SMG6: variants seen among roughly 807,000 people sequenced by gnomAD.
SMG6 encodes SMG6 nonsense mediated mRNA decay factor.
SMG6 carries 66 observed loss-of-function variants against 142.2 expected under a neutral mutation model. That is an observed-to-expected ratio of 0.46 (90% CI 0.38 to 0.57). SMG6 has a LOEUF of 0.57. SMG6 is among the 20% of genes least tolerant of loss of function. SMG6 has a pLI of 0.00. For missense variants in SMG6, 1,793 were observed against 1,832.0 expected, an observed-to-expected ratio of 0.98 and a Z score of 0.39; for synonymous variants, 779 against 702.4, an observed-to-expected ratio of 1.11 and a Z score of -1.72.
At position 2,299,777 on chromosome 17, in the gene SMG6, G is replaced by T. The variant is rs149069908; in HGVS notation, c.976C>A (p.His326Asn). 1.3e-4 allele frequency: 206 copies of T among 1,614,164 alleles called. No homozygotes were observed. The East Asian group carries it at 3.6e-3, about 28-fold the overall frequency. ...GPRRSSERKR[H>N]LERNWSGRGE... ...CGGCCAGACCAGTTTCTTTCTAAAT[G>T]TCTCTTCCTTTCTGAACTTCTCCTG... Residue 326 changes from histidine (H) to asparagine (N), a missense_variant, in exon 2 of 19, where the codon CAT (histidine) becomes AAT (asparagine). By Grantham distance (68) the His-to-Asn change is moderately conservative. Coordinates refer to ENST00000263073, the MANE Select transcript of SMG6 (RefSeq NM_017575.5). This position sits in a 1 kb window ranked among gnomAD's most constrained non-coding sequence, Gnocchi z 4.3.
intron 13 of SMG6, among the ~76,000 whole-genome samples, chr17:2,140,668 T>C (rs1330573611): frequency 8.4e-6 from 1 of 119,308 alleles, no homozygotes; most frequent in African/African-American, 3.8e-5. Context: ...TGAGATTCCA[T>C]CTCAAAAAAA....
chr17:2,109,550 C>G (rs549202436), intron 13 of SMG6, among the ~76,000 whole-genome samples: 21 of 152,296 alleles, frequency 1.4e-4, no homozygotes, highest in Admixed American at 9.8e-4. Flanking sequence ...AGGTGTGAGC[C>G]ACCGTGCATG....
intron 12 of SMG6, among the ~76,000 whole-genome samples, chr17:2,173,682 T>A (rs1250939550): frequency 2.0e-5 from 3 of 152,164 alleles, no homozygotes; most frequent in African/African-American, 4.8e-5. Context: ...AGGTCCTGGC[T>A]GAACCTGAGA....
chr17:2,091,492 A>G (rs2068713389), intron 13 of SMG6, among the ~76,000 whole-genome samples: 1 of 152,160 alleles, frequency 6.6e-6, no homozygotes, highest in African/African-American at 2.4e-5. Context: ...GGGCTGAATG[A>G]TAAGGGGGAC....
intron 10 of SMG6, among the ~76,000 whole-genome samples, chr17:2,221,072 G>C (rs1260290425): frequency 6.6e-6 from 1 of 152,204 alleles, no homozygotes; most frequent in Non-Finnish European, 1.5e-5. Flanking sequence ...AAAGATTCAA[G>C]AGACCAGAAA....
rs79682102 is a variant in SMG6 at position 2,219,540 on chromosome 17, G to A, written c.2869+16952C>T. The stretch of plus-strand genomic sequence containing the variant: ...AGTGGCTCATGCCTGTAATCCCAGC[G>A]CATTTTGAGAGGCCAAGGTGAGAGG... On this transcript the variant is annotated intron_variant, in intron 10 of 18. Coordinates refer to ENST00000263073, the MANE Select transcript of SMG6 (RefSeq NM_017575.5). Among the ~76,000 whole-genome samples, 1,386 of 152,022 alleles carry A rather than the reference G, an allele frequency of 9.1e-3. 13 individuals carry two copies. Among genetic ancestry groups the A allele is most frequent in the African/African-American group, 0.031 (1,302 of 41,452 alleles).
intron 13 of SMG6, among the ~76,000 whole-genome samples, chr17:2,153,725 G>T (rs978276869): frequency 6.8e-6 from 1 of 146,040 alleles, no homozygotes; most frequent in Non-Finnish European, 1.5e-5. Context: ...AGAGTGTGAC[G>T]GTGACGGGGG....
At chr17:2,165,921 A>G (rs772080034) in intron 13 of SMG6, among the ~76,000 whole-genome samples, 11 of 152,000 alleles carry the variant, frequency 7.2e-5, no homozygotes, top group Non-Finnish European at 1.3e-4. Flanking sequence ...ACAAAGAAAC[A>G]AACAAAATGG....
At chr17:2,256,754 G>C (rs1184726467) in intron 8 of SMG6, among the ~76,000 whole-genome samples, 2 of 149,770 alleles carry the variant, frequency 1.3e-5, no homozygotes, top group African/African-American at 4.9e-5. Context: ...CAGCCTGGGA[G>C]ACACAGTGAG....
chr17:2,121,581 GTC>G (rs2069692736), intron 13 of SMG6, among the ~76,000 whole-genome samples: 3 of 51,720 alleles, frequency 5.8e-5, no homozygotes, highest in African/African-American at 3.4e-4. Flanking sequence ...ATATGTACAT[GTC>G]TGTCTGTGTG....
intron 13 of SMG6, among the ~76,000 whole-genome samples, chr17:2,166,302 C>G (rs1337755295): frequency 6.6e-6 from 1 of 151,964 alleles, no homozygotes; most frequent in Non-Finnish European, 1.5e-5. Flanking sequence ...ATGTAAGTGA[C>G]CAGCATCAAA....
chr17:2,208,705 T>C (rs2151740650), intron 10 of SMG6, among the ~76,000 whole-genome samples: 1 of 152,368 alleles, frequency 6.6e-6, no homozygotes, highest in South Asian at 2.1e-4. Flanking sequence ...GACTTGCTTA[T>C]GCTATCAACT....
At chr17:2,219,752 T>C (rs1045637079) in intron 10 of SMG6, among the ~76,000 whole-genome samples, 3 of 141,924 alleles carry the variant, frequency 2.1e-5, no homozygotes. Flanking sequence ...CAATGAACTA[T>C]GACCACACCA....
chr17:2,085,678 G>A lies in SMG6; in HGVS notation c.3534+47C>T. 6.4e-7 allele frequency: 1 copy of A among 1,562,610 alleles called. No homozygotes were observed. Among genetic ancestry groups the A allele is most frequent in the Non-Finnish European group, 8.7e-7 (1 of 1,149,078 alleles). ...AAAAGCTGAAGCCACGAGCAGAATG[G>A]GGAGGGGGCCTTCCCTCTGCCACAG... On this transcript the variant is annotated intron_variant, in intron 14 of 18. Coordinates refer to ENST00000263073, the MANE Select transcript of SMG6 (RefSeq NM_017575.5). The surrounding 1 kb of genome is among the most constrained non-coding windows in gnomAD (Gnocchi z 4.1).
chr17:2,204,530 A>T (rs2072621950), intron 10 of SMG6, among the ~76,000 whole-genome samples: 1 of 152,252 alleles, frequency 6.6e-6, no homozygotes, highest in Non-Finnish European at 1.5e-5. Flanking sequence ...AGTAGAGGTC[A>T]GGAGAATAAT....
intron 10 of SMG6, among the ~76,000 whole-genome samples, chr17:2,235,487 C>T (rs2073624706): frequency 6.6e-6 from 1 of 152,268 alleles, no homozygotes; most frequent in South Asian, 2.1e-4. Context: ...CAATCAACTT[C>T]ATGGTGAGAG....
At chr17:2,082,871 C>A (rs1481991717) in intron 14 of SMG6, among the ~76,000 whole-genome samples, 1 of 152,216 alleles carries the variant, frequency 6.6e-6, no homozygotes, top group Non-Finnish European at 1.5e-5. Flanking sequence ...ACAGTGATGA[C>A]AACAGCTATC....
intron 10 of SMG6, among the ~76,000 whole-genome samples, chr17:2,219,762 A>C (rs2073119307): frequency 6.7e-6 from 1 of 149,598 alleles, no homozygotes; most frequent in South Asian, 2.1e-4. Context: ...TGACCACACC[A>C]CTGCACTCCA....
intron 13 of SMG6, among the ~76,000 whole-genome samples, chr17:2,115,632 T>C (rs144184652): frequency 3.3e-4 from 50 of 152,222 alleles, no homozygotes; most frequent in Admixed American, 3.0e-3. Context: ...GACCCAAGTG[T>C]GAATGGTAAA....
Sources: gnomAD v4.1 joint callset for allele counts (sites outside exome capture counted in the v4.1 genomes callset) on GRCh38, gnomAD v4.1.1 for gene constraint, Gnocchi (gnomAD v3.1) non-coding constraint, MANE v1.5 for transcripts, NCBI Gene and HGNC (gene_info 2026-07-23, HGNC 2026-07-21) for gene names.